ZMIZ1: variants seen among roughly 807,000 people sequenced by gnomAD.
ZMIZ1 encodes the protein zinc finger MIZ domain-containing protein 1.
A neutral mutation model predicts 113.9 loss-of-function variants in ZMIZ1; 17 were observed. The observed-to-expected ratio is 0.15, with a 90% confidence interval of 0.10 to 0.22. ZMIZ1 has a LOEUF of 0.22. Among genes scored for constraint, ZMIZ1 ranks in the 10% least tolerant of loss-of-function variants. ZMIZ1 has a pLI of 1.00. For missense variants in ZMIZ1, 1,059 were observed against 1,477.8 expected (o/e 0.72, Z 4.65); for synonymous variants, 607 against 603.1 (o/e 1.01, Z -0.09).
intron 1 of ZMIZ1, among the ~76,000 whole-genome samples, chr10:79,073,124 T>TG (rs1842349011): frequency 6.6e-6 from 1 of 152,116 alleles, no homozygotes; most frequent in Non-Finnish European, 1.5e-5. Context: ...AGGACCAAGG[T>TG]GTCAGGAGGC....
intron 7 of ZMIZ1, among the ~76,000 whole-genome samples, chr10:79,219,746 G>A (rs1340362927): frequency 6.6e-6 from 1 of 152,178 alleles, no homozygotes; most frequent in Non-Finnish European, 1.5e-5. Flanking sequence ...AGGCTCCCAG[G>A]GATGAATTCT....
At chr10:79,080,300 CTTTTTT>C (rs10592440) in intron 1 of ZMIZ1, among the ~76,000 whole-genome samples, 1 of 85,022 alleles carries the variant, frequency 1.2e-5, no homozygotes, top group Non-Finnish European at 2.1e-5. Flanking sequence ...TCGGGTGTGA[CTTTTTT>C]TTTTTTTTTT....
intron 4 of ZMIZ1, among the ~76,000 whole-genome samples, chr10:79,168,599 A>G (rs1206262348): frequency 1.3e-5 from 2 of 152,252 alleles, no homozygotes; most frequent in Non-Finnish European, 2.9e-5. Context: ...GGTGATGTCT[A>G]GCATCCCAGT....
chr10:79,080,555 C>T (rs1451646859), intron 1 of ZMIZ1, among the ~76,000 whole-genome samples: 1 of 152,096 alleles, frequency 6.6e-6, no homozygotes, highest in Admixed American at 6.5e-5. Flanking sequence ...GTGATCCGCC[C>T]GCCTTGGCCT....
chr10:79,081,435 A>G (rs913527470), intron 1 of ZMIZ1, among the ~76,000 whole-genome samples: 2 of 152,312 alleles, frequency 1.3e-5, no homozygotes, highest in Middle Eastern at 3.4e-3. Context: ...GGAGGCCACA[A>G]CAGTGGCTCA....
rs1554831654 is a variant in ZMIZ1, at chr10:79,300,850, G to A, written c.1927G>A (p.Asp643Asn). The part of the protein sequence containing the change: ...NATPLTIERG[D>N]NKTSHKPLHL... ...CACGCCCCTCACCATTGAGCGCGGC[G>A]ACAACAAGACCTCCCACAAGCCCCT... The change falls in exon 17 of 25, where the codon GAC becomes AAC. Residue 643 changes from aspartate (D) to asparagine (N), a missense_variant. Around this residue, in one of 6 missense-constraint regions of ZMIZ1, gnomAD observed 217 missense variants for 426.9 expected, o/e 0.51. Transcript: ENST00000334512. 3.1e-6 allele frequency: 5 copies of A among 1,613,576 alleles called. No homozygotes were observed. Among genetic ancestry groups the A allele is most frequent in the East Asian group, 2.2e-5 (1 of 44,866 alleles).
At chr10:79,252,350 A>T (rs759811429) in intron 7 of ZMIZ1, among the ~76,000 whole-genome samples, 11 of 152,166 alleles carry the variant, frequency 7.2e-5, no homozygotes, top group Admixed American at 1.3e-4. Context: ...TCCTCAGGTG[A>T]CAGCCTTTGG....
chr10:79,104,842 C>T (rs1843494720), intron 1 of ZMIZ1, among the ~76,000 whole-genome samples: 1 of 152,150 alleles, frequency 6.6e-6, no homozygotes, highest in African/African-American at 2.4e-5. Flanking sequence ...CAGTAATGAG[C>T]TTTCTGAAAT....
intron 7 of ZMIZ1, among the ~76,000 whole-genome samples, chr10:79,223,465 C>A (rs1306363644): frequency 3.3e-5 from 5 of 152,344 alleles, no homozygotes; most frequent in Non-Finnish European, 7.3e-5. Context: ...GGCTTCCTTC[C>A]TCCTGCTGGG....
At chr10:79,139,457 T>A (rs1186880272) in intron 2 of ZMIZ1, among the ~76,000 whole-genome samples, 1 of 152,008 alleles carries the variant, frequency 6.6e-6, no homozygotes, top group East Asian at 1.9e-4. Flanking sequence ...AAACTTATAT[T>A]TATATATTTT....
chr10:79,285,368 T>C (rs1209995836), intron 8 of ZMIZ1: 1 of 428,292 alleles, frequency 2.3e-6, no homozygotes, highest in East Asian at 7.1e-5. Context: ...TGTGCGGGAC[T>C]CTGGGCCTCA....
At chr10:79,185,223 T>C (rs1847303323) in intron 4 of ZMIZ1, among the ~76,000 whole-genome samples, 1 of 151,976 alleles carries the variant, frequency 6.6e-6, no homozygotes, top group Non-Finnish European at 1.5e-5. Flanking sequence ...CACAGCACTT[T>C]AGCTGTTAAG....
chr10:79,284,922 G>T (rs906084665), intron 8 of ZMIZ1, among the ~76,000 whole-genome samples: 2 of 152,188 alleles, frequency 1.3e-5, no homozygotes, highest in Non-Finnish European at 2.9e-5. Context: ...AAGACTATTT[G>T]GGTTTTCTCT....
At chr10:79,310,848 T>C in intron 23 of ZMIZ1, 76 bp from the exon 24 acceptor site, 1 of 1,491,988 alleles carries the variant, frequency 6.7e-7, no homozygotes, top group Non-Finnish European at 9.0e-7. Context: ...TTGTGTTGGG[T>C]TTCATTTTCT....
chr10:79,255,789 G>T (rs913692352), intron 7 of ZMIZ1, among the ~76,000 whole-genome samples: 1 of 152,130 alleles, frequency 6.6e-6, no homozygotes. Context: ...GCACTTTTTC[G>T]ATTTAACAAG....
At chr10:79,218,060 G>T (rs535183306) in intron 7 of ZMIZ1, among the ~76,000 whole-genome samples, 3 of 152,228 alleles carry the variant, frequency 2.0e-5, no homozygotes, top group Non-Finnish European at 2.9e-5. Flanking sequence ...ATAGTCCAGA[G>T]CAGGGGCCAC....
At chr10:79,100,724 G>A (rs1843336611) in intron 1 of ZMIZ1, among the ~76,000 whole-genome samples, 1 of 152,196 alleles carries the variant, frequency 6.6e-6, no homozygotes, top group Non-Finnish European at 1.5e-5. Flanking sequence ...CTCATTGCTG[G>A]CAGGGGCCTG....
rs558702269 is a variant in ZMIZ1, at chr10:79,082,954, G to A, written c.-337+13684G>A. On this transcript the variant is annotated intron_variant, in intron 1 of 24. Coordinates refer to ENST00000334512, the MANE Select transcript of ZMIZ1 (RefSeq NM_020338.4). ...CTGGGGTCCTTTTGTGCCTCCCCTC[G>A]CCCAGCTACCCAAGGAAGGTGGATT... is the stretch of plus-strand genomic sequence containing the variant. Among the ~76,000 whole-genome samples the A allele has an allele frequency of 1.1e-3, 168 of 152,182 alleles. 1 individual carries two copies. Among genetic ancestry groups the A allele is most frequent in the Middle Eastern group, 6.8e-3 (2 of 294 alleles).
intron 7 of ZMIZ1, among the ~76,000 whole-genome samples, chr10:79,237,900 G>A (rs768286708): frequency 3.9e-5 from 6 of 152,222 alleles, no homozygotes; most frequent in Non-Finnish European, 8.8e-5. Flanking sequence ...CAGCTCGTCA[G>A]GGCCACCAGC....
Sources: allele counts gnomAD v4.1 joint callset (sites outside exome capture counted in the v4.1 genomes callset), GRCh38; gene constraint gnomAD v4.1.1; regional missense constraint gnomAD v4.1.1; transcripts MANE v1.5; gene names NCBI Gene and HGNC (gene_info 2026-07-23, HGNC 2026-07-21).